The following MKLN1 variants were observed in gnomAD, a reference collection of about 807,000 sequenced individuals.
The protein encoded by MKLN1 is muskelin.
MKLN1 carries 18 observed loss-of-function variants against 99.0 expected under a neutral mutation model. That is an observed-to-expected ratio of 0.18 (90% CI 0.13 to 0.27). The LOEUF (loss-of-function observed/expected upper bound fraction) is 0.27. Among genes scored for constraint, MKLN1 ranks in the 10% least tolerant of loss-of-function variants. The pLI, the probability that MKLN1 is intolerant of heterozygous loss-of-function variation, is 1.00. For synonymous variants in MKLN1, 288 were observed against 293.2 expected, an observed-to-expected ratio of 0.98 and a Z score of 0.18; for missense variants, 621 against 875.9, an observed-to-expected ratio of 0.71 and a Z score of 3.67.
At chr7:131,288,219 G>T (rs1798162216) in intron 3 of MKLN1, among the ~76,000 whole-genome samples, 1 of 152,178 alleles carries the variant, frequency 6.6e-6, no homozygotes. Flanking sequence ...GTATCAGAGG[G>T]TAGGAGGCAA....
At chr7:131,287,818 C>G (rs1459826628) in intron 3 of MKLN1, among the ~76,000 whole-genome samples, 1 of 152,016 alleles carries the variant, frequency 6.6e-6, no homozygotes, top group South Asian at 2.1e-4. Flanking sequence ...GAGGTTCCCC[C>G]CATGCTGTTC....
chr7:131,364,764 A>C (rs931293240), intron 1 of MKLN1, among the ~76,000 whole-genome samples: 1 of 152,156 alleles, frequency 6.6e-6, no homozygotes, highest in Non-Finnish European at 1.5e-5. Context: ...AGATGCATCC[A>C]TGTTCCCACA....
intron 17 of MKLN1, among the ~76,000 whole-genome samples, chr7:131,482,087 A>G (rs766662658): frequency 1.3e-5 from 2 of 152,236 alleles, no homozygotes; most frequent in Non-Finnish European, 2.9e-5. Context: ...TTTAAGAGCT[A>G]TATCTTATTT....
At chr7:131,470,229 G>A (rs975601226) in intron 15 of MKLN1, among the ~76,000 whole-genome samples, 1 of 152,114 alleles carries the variant, frequency 6.6e-6, no homozygotes, top group Non-Finnish European at 1.5e-5. Flanking sequence ...ATTATTGTGA[G>A]AATAGATGAA....
intron 8 of MKLN1, among the ~76,000 whole-genome samples, chr7:131,419,092 G>T (rs1377868798): frequency 4.6e-5 from 7 of 151,776 alleles, no homozygotes. Flanking sequence ...TCTGTTCTCA[G>T]TCCTTTGGCT....
At chr7:131,161,782 G>A (rs570792710) in intron 2 of MKLN1, among the ~76,000 whole-genome samples, 33 of 151,682 alleles carry the variant, frequency 2.2e-4, no homozygotes, top group African/African-American at 3.6e-4. Flanking sequence ...CTCGTGATCC[G>A]CCCGCCTCGG....
At chr7:131,456,174 T>C (rs1482136029) in intron 12 of MKLN1, among the ~76,000 whole-genome samples, 2 of 152,210 alleles carry the variant, frequency 1.3e-5, no homozygotes. Flanking sequence ...GCTGCTTTCT[T>C]GGTTTTGACC....
At chr7:131,471,645 C>T (rs151253655) in intron 16 of MKLN1, 1 of 152,470 alleles carries the variant, frequency 6.6e-6, no homozygotes, top group African/African-American at 2.4e-5. Context: ...TTCCAGGCAT[C>T]CTTGTTCATC....
intron 3 of MKLN1, among the ~76,000 whole-genome samples, chr7:131,303,479 C>T (rs556880782): frequency 3.9e-5 from 6 of 152,292 alleles, no homozygotes; most frequent in Middle Eastern, 3.4e-3. Context: ...TTTGTTTGTT[C>T]GTTTTGGCAA....
chr7:131,177,196 G>A (rs557632336), intron 2 of MKLN1, among the ~76,000 whole-genome samples: 2 of 152,234 alleles, frequency 1.3e-5, no homozygotes, highest in South Asian at 2.1e-4. Flanking sequence ...TGGGCAGGGC[G>A]CAGTGGCTCA....
At chr7:131,113,344 C>A (rs994756766) in intron 1 of MKLN1, among the ~76,000 whole-genome samples, 11 of 152,100 alleles carry the variant, frequency 7.2e-5, no homozygotes, top group African/African-American at 2.7e-4. Context: ...AAGAACAGAG[C>A]CTGGCAAGTA....
At chr7:131,142,397 C>T (rs1205728972) in intron 1 of MKLN1, among the ~76,000 whole-genome samples, 2 of 142,488 alleles carry the variant, frequency 1.4e-5, no homozygotes, top group African/African-American at 2.6e-5. Context: ...GGTGACAGAG[C>T]GAGACTCCAT....
chr7:131,184,665 C>T (rs1347805456), intron 2 of MKLN1, among the ~76,000 whole-genome samples: 1 of 152,016 alleles, frequency 6.6e-6, no homozygotes, highest in East Asian at 1.9e-4. Flanking sequence ...GCTGGGATTA[C>T]AGGTGCCCGC....
intron 1 of MKLN1, among the ~76,000 whole-genome samples, chr7:131,117,904 A>G (rs1426300563): frequency 6.6e-6 from 1 of 152,214 alleles, no homozygotes; most frequent in Non-Finnish European, 1.5e-5. Flanking sequence ...CAGGTACATG[A>G]ATAGAGGTGT....
intron 2 of MKLN1, among the ~76,000 whole-genome samples, chr7:131,165,838 G>C (rs1796115135): frequency 6.6e-6 from 1 of 152,228 alleles, no homozygotes; most frequent in African/African-American, 2.4e-5. Flanking sequence ...TATGGGGCTA[G>C]GCACGGTAGC....
intron 12 of MKLN1, among the ~76,000 whole-genome samples, chr7:131,458,872 G>A (rs1796426557): frequency 6.6e-6 from 1 of 152,022 alleles, no homozygotes; most frequent in African/African-American, 2.4e-5. Context: ...AGCATTCATT[G>A]TTACTGATAA....
intron 16 of MKLN1, among the ~76,000 whole-genome samples, chr7:131,477,412 C>G (rs1356676451): frequency 6.7e-6 from 1 of 149,624 alleles, no homozygotes; most frequent in Non-Finnish European, 1.5e-5. Context: ...AAAAATGAGG[C>G]AGGAGGATTG....
At chr7:131,217,458 G>T (rs949998074) in intron 3 of MKLN1, among the ~76,000 whole-genome samples, 2 of 152,224 alleles carry the variant, frequency 1.3e-5, no homozygotes, top group Admixed American at 1.3e-4. Flanking sequence ...AACAGTTTGG[G>T]AGGCTGAGGC....
At chr7:131,234,401 A>G (rs781397097) in intron 3 of MKLN1, among the ~76,000 whole-genome samples, 2 of 152,078 alleles carry the variant, frequency 1.3e-5, no homozygotes, top group Admixed American at 6.6e-5. Flanking sequence ...AATGTCCCCA[A>G]ATATGCCAGT....
Sources: gnomAD v4.1 joint callset for allele counts (sites outside exome capture counted in the v4.1 genomes callset) on GRCh38, gnomAD v4.1.1 for gene constraint, MANE v1.5 for transcripts, NCBI Gene and HGNC (gene_info 2026-07-23, HGNC 2026-07-21) for gene names.